The following AFF1 variants were observed in gnomAD, a reference collection of about 807,000 sequenced individuals.
AFF1 encodes the protein AF4/FMR2 family member 1.
Under a neutral mutation model 121.7 loss-of-function variants are expected in AFF1, and 48 were observed. The ratio of observed to expected loss-of-function variants is 0.39; its 90% CI spans 0.31 to 0.50. The LOEUF (loss-of-function observed/expected upper bound fraction) is 0.50. Among genes scored for constraint, AFF1 ranks in the 20% least tolerant of loss-of-function variants. AFF1 has a pLI of 0.76. For synonymous variants in AFF1, 613 were observed against 563.0 expected, an observed-to-expected ratio of 1.09 and a Z score of -1.26; for missense variants, 1,523 against 1,511.7, an observed-to-expected ratio of 1.01 and a Z score of -0.12.
chr4:86,975,784 T>C (rs1723259137), intron 2 of AFF1, among the ~76,000 whole-genome samples: 1 of 152,070 alleles, frequency 6.6e-6, no homozygotes, highest in African/African-American at 2.4e-5. Flanking sequence ...ATAAGGTGTA[T>C]GTTGTATTGG....
intron 4 of AFF1, among the ~76,000 whole-genome samples, chr4:87,055,419 C>T (rs1163397886): frequency 6.6e-6 from 1 of 152,122 alleles, no homozygotes; most frequent in Non-Finnish European, 1.5e-5. Flanking sequence ...TATTCCTTCT[C>T]GGAAATGCCA....
chr4:87,068,990 G>A (rs189720859), intron 4 of AFF1, among the ~76,000 whole-genome samples: 1 of 152,192 alleles, frequency 6.6e-6, no homozygotes, highest in African/African-American at 2.4e-5. Context: ...GGAGGTTCAG[G>A]TGGGGAGGAT....
At chr4:87,073,130 A>G (rs1282309234) in intron 4 of AFF1, among the ~76,000 whole-genome samples, 3 of 151,950 alleles carry the variant, frequency 2.0e-5, no homozygotes, top group African/African-American at 7.3e-5. Flanking sequence ...ACTTCCTTAA[A>G]TTAGGCACTT....
At chr4:87,035,061 C>T (rs146739561) in intron 2 of AFF1, among the ~76,000 whole-genome samples, 274 of 152,236 alleles carry the variant, frequency 1.8e-3, no homozygotes, top group African/African-American at 6.1e-3. Flanking sequence ...TAAATATAAA[C>T]GTAGACAGCC....
At chr4:87,009,809 C>T (rs986798784) in intron 2 of AFF1, among the ~76,000 whole-genome samples, 1 of 152,182 alleles carries the variant, frequency 6.6e-6, no homozygotes, top group Admixed American at 6.5e-5. Context: ...AAAACATCAC[C>T]TGTGATGTAA....
intron 2 of AFF1, among the ~76,000 whole-genome samples, chr4:87,035,791 A>C (rs1729510154): frequency 6.6e-6 from 1 of 152,200 alleles, no homozygotes; most frequent in Admixed American, 6.5e-5. Context: ...TTAATACCCA[A>C]AACATTTTTT....
rs979084079 is a variant in AFF1, at chr4:87,006,858, T to G, written c.39-39308T>G. 7.3e-6 allele frequency: 5 copies of G among 685,162 alleles called. No individual in the cohort carries two copies. The East Asian group carries it at 3.4e-4, about 46-fold the overall frequency. The allele number at this position is 685,162 out of a possible 1,614,324, so 42.4% of individuals were successfully genotyped here. A position where few individuals can be genotyped will look rare whatever the true frequency, so the allele number is the denominator to read the frequency against. Reference sequence around the variant, plus strand: ...GCTCTGCCCCCTACCCGACCCTGCCTGCCGCTTGCCGCCTGCCTTTGGCTA... The same window carrying G: ...GCTCTGCCCCCTACCCGACCCTGCCGGCCGCTTGCCGCCTGCCTTTGGCTA... On this transcript the variant is annotated intron_variant, in intron 2 of 20. Coordinates refer to ENST00000395146, the MANE Select transcript of AFF1 (RefSeq NM_001166693.3).
chr4:87,104,398 A>C (rs1041582783), intron 8 of AFF1, among the ~76,000 whole-genome samples: 16 of 152,212 alleles, frequency 1.1e-4, no homozygotes, highest in Admixed American at 9.8e-4. Context: ...CTCAAAAAGA[A>C]ATAAAAATAT....
chr4:86,959,172 G>GA (rs1721966052), intron 2 of AFF1, among the ~76,000 whole-genome samples: 1 of 152,172 alleles, frequency 6.6e-6, no homozygotes, highest in Non-Finnish European at 1.5e-5. Context: ...TGTATTTCCT[G>GA]AAGAATGGAA....
intron 2 of AFF1, among the ~76,000 whole-genome samples, chr4:87,022,592 A>ATC (rs1553918472): frequency 0.018 from 1,819 of 99,580 alleles, 87 homozygotes; most frequent in African/African-American, 0.03. Flanking sequence ...ATCTATCTAT[A>ATC]TCTATCTGTG....
At position 87,073,710 on chromosome 4, in the gene AFF1, T is replaced by A. The variant is rs117717555; in HGVS notation, c.1060-10410T>A. Among the ~76,000 whole-genome samples, 920 of 152,360 alleles carry A rather than the reference T, an allele frequency of 6.0e-3. 29 individuals are homozygous for A. Among genetic ancestry groups the A allele is most frequent in the Admixed American group, 0.042 (646 of 15,306 alleles). Reference sequence around the variant, plus strand: ...TCCAGAAACTGATACAAAGTTGTTTTTTTCTTCTTCCTTTTTCTGGTGCTT... The same window carrying A: ...TCCAGAAACTGATACAAAGTTGTTTATTTCTTCTTCCTTTTTCTGGTGCTT... On this transcript the variant is annotated intron_variant, in intron 4 of 20. Coordinates refer to ENST00000395146, the MANE Select transcript of AFF1 (RefSeq NM_001166693.3).
intron 4 of AFF1, among the ~76,000 whole-genome samples, chr4:87,068,963 G>C (rs2149671959): frequency 6.6e-6 from 1 of 152,304 alleles, no homozygotes; most frequent in Non-Finnish European, 1.5e-5. Context: ...CTGCCCCACA[G>C]TAAGTATGCA....
intron 16 of AFF1, 51 bp downstream of exon 16, chr4:87,127,754 A>C: frequency 1.3e-6 from 2 of 1,598,094 alleles, no homozygotes; most frequent in Non-Finnish European, 1.7e-6. Flanking sequence ...GATAGTAAAA[A>C]AAATTTTTGG....
chr4:87,007,267 A>G (rs1157341315), intron 2 of AFF1: 2 of 1,531,942 alleles, frequency 1.3e-6, no homozygotes, highest in African/African-American at 1.4e-5. Flanking sequence ...GCTCGAGAGC[A>G]GGTAGTCCCG....
At chr4:87,039,038 AC>A (rs1729849758) in intron 2 of AFF1, among the ~76,000 whole-genome samples, 1 of 152,188 alleles carries the variant, frequency 6.6e-6, no homozygotes. Context: ...CGCATGACTA[AC>A]CTAGTTTAGC....
Position 87,108,882 on chromosome 4 carries a change from C to T in AFF1, c.1533+567C>T, listed in dbSNP as rs145022986. On this transcript the variant is annotated intron_variant, in intron 11 of 20. Coordinates refer to ENST00000395146, the MANE Select transcript of AFF1 (RefSeq NM_001166693.3). ...CTTTCTGTCCCATGTAAAACAGGGA[C>T]GATGGTGTTTGCTTGTCACCCACCC... Among the ~76,000 whole-genome samples, 22 of 152,194 alleles carry T rather than the reference C, an allele frequency of 1.4e-4. No individual in the cohort carries two copies. The East Asian group carries it at 2.3e-3, about 16-fold the overall frequency.
rs577503506 is a variant in AFF1, at chr4:87,025,427, A to ACGTGC, written c.39-20736_39-20732dup. On this transcript the variant is annotated intron_variant, in intron 2 of 20. Coordinates refer to ENST00000395146, the MANE Select transcript of AFF1 (RefSeq NM_001166693.3). The stretch of plus-strand genomic sequence containing the variant: ...GTACCTGGCAGTGACAGCATCTCAG[A>ACGTGC]CGTGCCGGTCATAAATGTAGCCATT... Among the ~76,000 whole-genome samples, 9 of 152,302 alleles carry ACGTGC rather than the reference A, an allele frequency of 5.9e-5. No homozygotes were observed. The East Asian group carries it at 1.7e-3, about 29-fold the overall frequency.
At chr4:87,060,294 C>T (rs1720602749) in intron 4 of AFF1, among the ~76,000 whole-genome samples, 1 of 152,112 alleles carries the variant, frequency 6.6e-6, no homozygotes, top group Non-Finnish European at 1.5e-5. Context: ...AAGTTTTATG[C>T]ATCTGTCTCA....
chr4:87,049,087 A>G (rs1204334748), intron 4 of AFF1, among the ~76,000 whole-genome samples: 3 of 82,804 alleles, frequency 3.6e-5, no homozygotes, highest in Admixed American at 1.3e-4. Context: ...TTTAAAAAAA[A>G]AAAAAAAAGG....
Sources: allele counts gnomAD v4.1 joint callset (sites outside exome capture counted in the v4.1 genomes callset), GRCh38; gene constraint gnomAD v4.1.1; transcripts MANE v1.5; gene names NCBI Gene and HGNC (gene_info 2026-07-23, HGNC 2026-07-21).